Variants in GNA14 observed in about 807,000 individuals in gnomAD.
GNA14 encodes G protein subunit alpha 14, also known as guanine nucleotide-binding protein subunit alpha-14.
In GNA14, 50 loss-of-function variants were observed where a neutral mutation model predicts 42.0. The observed-to-expected ratio is 1.19, with a 90% CI of 0.95 to 1.51. GNA14 has a LOEUF of 1.51. GNA14 is among the 40% of genes most tolerant of loss of function. The pLI is 0.00. For synonymous variants in GNA14, 173 were observed against 163.1 expected (o/e 1.06, Z -0.46); for missense variants, 473 against 446.2 (o/e 1.06, Z -0.54).
chr9:77,509,706 T>C (rs1837128168), intron 2 of GNA14, among the ~76,000 whole-genome samples: 1 of 152,186 alleles, frequency 6.6e-6, no homozygotes, highest in Non-Finnish European at 1.5e-5. Context: ...ATATTACTTA[T>C]TAATCACAAG....
Position 77,618,602 on chromosome 9 carries a change from ATATATATATATATATATATTTTTTTT to A in GNA14, c.124+29042_124+29067del, listed in dbSNP as rs1455642451. ...TTTGAATATATATATATATATATAT[ATATATATATATATATATATTTTTTTT>A]TTTTTTTTTTTTTTTTTTTTTTTGA... is the stretch of plus-strand genomic sequence containing the variant. On this transcript the variant is annotated intron_variant, in intron 1 of 6. Transcript: ENST00000341700. Among the ~76,000 whole-genome samples, 23 of 9,516 alleles carry A rather than the reference ATATATATATATATATATATTTTTTTT, an allele frequency of 2.4e-3. 1 individual carries two copies. Among genetic ancestry groups the A allele is most frequent in the African/African-American group, 7.5e-3 (23 of 3,050 alleles). The allele number at this position is 9,516 out of a possible 152,430, so 6.2% of individuals were successfully genotyped here. A position where few individuals can be genotyped will look rare whatever the true frequency, so the allele number is the denominator to read the frequency against.
intron 1 of GNA14, among the ~76,000 whole-genome samples, chr9:77,617,788 G>C (rs1823847411): frequency 6.6e-6 from 1 of 151,992 alleles, no homozygotes; most frequent in Non-Finnish European, 1.5e-5. Context: ...ACCTCAGGCT[G>C]TCTCCCCAGC....
At chr9:77,480,035 C>A (rs1361739650) in intron 2 of GNA14, among the ~76,000 whole-genome samples, 1 of 152,190 alleles carries the variant, frequency 6.6e-6, no homozygotes, top group African/African-American at 2.4e-5. Context: ...AATTGCATAC[C>A]CTTTATTTCC....
At chr9:77,549,971 T>G (rs1837769549) in intron 1 of GNA14, among the ~76,000 whole-genome samples, 2 of 152,194 alleles carry the variant, frequency 1.3e-5, no homozygotes, top group African/African-American at 4.8e-5. Flanking sequence ...GGGGTGAACA[T>G]GTCACTGGTG....
At chr9:77,502,031 C>T (rs1836984832) in intron 2 of GNA14, among the ~76,000 whole-genome samples, 7 of 152,174 alleles carry the variant, frequency 4.6e-5, no homozygotes, top group Admixed American at 4.6e-4. Flanking sequence ...TCTAATCTGT[C>T]TTCCAGCTCA....
intron 1 of GNA14, among the ~76,000 whole-genome samples, chr9:77,553,780 G>A (rs1352109319): frequency 1.3e-5 from 2 of 152,026 alleles, no homozygotes; most frequent in Non-Finnish European, 2.9e-5. Flanking sequence ...TCCAATTCTA[G>A]GATATATAAT....
intron 2 of GNA14, among the ~76,000 whole-genome samples, chr9:77,497,732 CAT>C (rs1836894405): frequency 6.6e-6 from 1 of 152,014 alleles, no homozygotes; most frequent in South Asian, 2.1e-4. Flanking sequence ...TATGCATATA[CAT>C]ATTTATATAC....
chr9:77,428,926 A>C lies in GNA14; in HGVS notation c.704T>G (p.Leu235Arg). 1 of 1,613,956 alleles carries C rather than the reference A, an allele frequency of 6.2e-7. No individual in the cohort carries two copies. The highest frequency in any genetic ancestry group is 8.5e-7 in the Non-Finnish European group (1 of 1,179,914). The change falls in exon 5 of 7, where the codon CTG (leucine) becomes CGG (arginine). Residue 235 changes from leucine to arginine, a missense_variant. Physicochemically the swap from Leu to Arg is moderately radical, Grantham distance 102. Coordinates refer to ENST00000341700, the MANE Select transcript of GNA14 (RefSeq NM_004297.4). ...LVALSEYDQVLAECDNENRME... is the reference protein window; with the variant it reads ...LVALSEYDQVRAECDNENRME... ...GCATACCTCGTTGTCACACTCAGCC[A>C]GGACCTGGTCATATTCACTCAGAGC...
At chr9:77,444,851 T>C (rs1479438355) in intron 2 of GNA14, among the ~76,000 whole-genome samples, 1 of 152,186 alleles carries the variant, frequency 6.6e-6, no homozygotes, top group African/African-American at 2.4e-5. Context: ...GTGCCCTAAA[T>C]GTCCCACACT....
At chr9:77,465,522 G>C (rs937716875) in intron 2 of GNA14, among the ~76,000 whole-genome samples, 5 of 152,074 alleles carry the variant, frequency 3.3e-5, no homozygotes, top group African/African-American at 1.2e-4. Context: ...CCTAGGAGTA[G>C]AATTGCTGCG....
chr9:77,608,660 G>T (rs1233603360), intron 1 of GNA14, among the ~76,000 whole-genome samples: 1 of 149,762 alleles, frequency 6.7e-6, no homozygotes, highest in African/African-American at 2.5e-5. Flanking sequence ...CCCTTTTCTT[G>T]AAAGATAAAG....
At position 77,454,046 on chromosome 9, in the gene GNA14, G is replaced by C. The variant is rs550312204; in HGVS notation, c.310-19524C>G. On this transcript the variant is annotated intron_variant, in intron 2 of 6. Coordinates refer to ENST00000341700, the MANE Select transcript of GNA14 (RefSeq NM_004297.4). ...TCATTTGCACAGGCACAAAGCTCAG[G>C]CTCCTCGCCCGCTCCGTGCAGCATC... is the stretch of plus-strand genomic sequence containing the variant. Among the ~76,000 whole-genome samples, 9 of 152,300 alleles carry C rather than the reference G, an allele frequency of 5.9e-5. No homozygotes were observed. The South Asian group carries it at 1.7e-3, about 28-fold the overall frequency.
rs142006648 is a variant in GNA14, at chr9:77,570,014, C to A, written c.125-40761G>T. Among the ~76,000 whole-genome samples the A allele has an allele frequency of 1.5e-3, 231 of 152,210 alleles. 1 individual carries two copies. The highest frequency in any genetic ancestry group is 5.0e-3 in the African/African-American group (209 of 41,542). On this transcript the variant is annotated intron_variant, in intron 1 of 6. Coordinates refer to ENST00000341700, the MANE Select transcript of GNA14 (RefSeq NM_004297.4). ...ACTCTTGACCTCGTGATCCGCTTGC[C>A]TCGGCCTCCCAAAGTGCTGGGATTA...
At chr9:77,495,182 A>G (rs1836850370) in intron 2 of GNA14, among the ~76,000 whole-genome samples, 1 of 152,094 alleles carries the variant, frequency 6.6e-6, no homozygotes, top group Non-Finnish European at 1.5e-5. Flanking sequence ...GATTAGACCA[A>G]AGGAAGAACT....
intron 2 of GNA14, among the ~76,000 whole-genome samples, chr9:77,469,778 G>C (rs1340706917): frequency 1.3e-5 from 2 of 152,132 alleles, no homozygotes; most frequent in Non-Finnish European, 2.9e-5. Context: ...TGGCATGGTT[G>C]GTTCTGGTTC....
At chr9:77,620,645 G>A (rs951925848) in intron 1 of GNA14, among the ~76,000 whole-genome samples, 1 of 151,996 alleles carries the variant, frequency 6.6e-6, no homozygotes, top group Non-Finnish European at 1.5e-5. Context: ...TCAGGAGTTC[G>A]AGACCAGCCT....
chr9:77,527,047 T>C (rs1388676728), intron 2 of GNA14, among the ~76,000 whole-genome samples: 1 of 152,170 alleles, frequency 6.6e-6, no homozygotes, highest in African/African-American at 2.4e-5. Flanking sequence ...AGGAGCCTTT[T>C]CTCCTCAGTG....
chr9:77,477,913 A>C (rs952333438), intron 2 of GNA14, among the ~76,000 whole-genome samples: 3 of 152,122 alleles, frequency 2.0e-5, no homozygotes, highest in African/African-American at 7.2e-5. Flanking sequence ...AAAATGCAGA[A>C]ATTGAAATAA....
chr9:77,627,142 A>G (rs1413111323), intron 1 of GNA14, among the ~76,000 whole-genome samples: 2 of 152,352 alleles, frequency 1.3e-5, no homozygotes, highest in South Asian at 2.1e-4. Context: ...GAAGAAATTC[A>G]TAAATTCCTG....
Sources: gnomAD v4.1 joint callset for allele counts (sites outside exome capture counted in the v4.1 genomes callset) on GRCh38, gnomAD v4.1.1 for gene constraint, MANE v1.5 for transcripts, NCBI Gene and HGNC (gene_info 2026-07-23, HGNC 2026-07-21) for gene names.